The following OSBP2 variants were observed in gnomAD, a reference collection of about 807,000 sequenced individuals.
OSBP2 encodes the protein oxysterol-binding protein 2.
A neutral mutation model predicts 96.0 loss-of-function variants in OSBP2; 66 were observed. That is an observed-to-expected ratio of 0.69 (90% CI 0.56 to 0.84). The LOEUF is 0.84. Ranked by LOEUF, OSBP2 falls within the 40% of genes least tolerant of loss-of-function variation. The pLI is 0.00. For missense variants in OSBP2, 1,038 were observed against 1,222.7 expected, an observed-to-expected ratio of 0.85 and a Z score of 2.25; for synonymous variants, 525 against 520.9, an observed-to-expected ratio of 1.01 and a Z score of -0.11.
intron 1 of OSBP2, among the ~76,000 whole-genome samples, chr22:30,716,004 C>A (rs940376348): frequency 3.3e-5 from 5 of 151,888 alleles, no homozygotes; most frequent in African/African-American, 1.2e-4. Context: ...CCTGTGCCAC[C>A]ATGCCCAACC....
chr22:30,694,164 AC>A (rs1352760101), upstream of OSBP2: 2 of 1,550,336 alleles, frequency 1.3e-6, no homozygotes, highest in East Asian at 4.9e-5. Flanking sequence ...TGTTTCTTGT[AC>A]TAAAACGCTT....
intron 2 of OSBP2, among the ~76,000 whole-genome samples, chr22:30,854,604 C>T (rs1429353592): frequency 9.9e-5 from 15 of 150,782 alleles, no homozygotes; most frequent in African/African-American, 3.2e-4. Context: ...CCAACACACC[C>T]GCCCTATATG....
intron 1 of OSBP2, among the ~76,000 whole-genome samples, chr22:30,714,325 A>C (rs2089409283): frequency 6.6e-6 from 1 of 152,116 alleles, no homozygotes; most frequent in Admixed American, 6.5e-5. Flanking sequence ...ACTTAGGCGG[A>C]TTCCATATCT....
intron 2 of OSBP2, among the ~76,000 whole-genome samples, chr22:30,806,162 AC>A (rs1419374266): frequency 6.6e-6 from 1 of 152,192 alleles, no homozygotes; most frequent in Non-Finnish European, 1.5e-5. Context: ...TGAGGCTCAG[AC>A]AGGTCGCAGT....
At chr22:30,808,190 A>G (rs2090956300) in intron 2 of OSBP2, among the ~76,000 whole-genome samples, 1 of 152,182 alleles carries the variant, frequency 6.6e-6, no homozygotes, top group Non-Finnish European at 1.5e-5. Context: ...CACAGAAGAC[A>G]CAGGGAAGTC....
At chr22:30,822,710 G>A (rs1216718580) in intron 2 of OSBP2, 8 of 1,525,834 alleles carry the variant, frequency 5.2e-6, no homozygotes, top group East Asian at 2.5e-5. Context: ...TTTAAGAAGG[G>A]TTAGTGCTTG....
intron 2 of OSBP2, among the ~76,000 whole-genome samples, chr22:30,750,940 C>T (rs2090066907): frequency 6.6e-6 from 1 of 152,114 alleles, no homozygotes; most frequent in Admixed American, 6.5e-5. Context: ...CGGGTTTCAC[C>T]ATCTTGACCA....
At chr22:30,711,357 A>G (rs1037452938) in intron 1 of OSBP2, among the ~76,000 whole-genome samples, 7 of 152,034 alleles carry the variant, frequency 4.6e-5, no homozygotes, top group South Asian at 4.1e-4. Flanking sequence ...ATACATTTAT[A>G]TCCTGGCTCG....
At chr22:30,800,857 A>G (rs140250782) in intron 2 of OSBP2, among the ~76,000 whole-genome samples, 2 of 152,100 alleles carry the variant, frequency 1.3e-5, no homozygotes, top group Admixed American at 6.5e-5. Flanking sequence ...GGGGTCTTCA[A>G]TTTGTGGGCA....
chr22:30,772,918 G>A (rs920542484), intron 2 of OSBP2, among the ~76,000 whole-genome samples: 1 of 150,998 alleles, frequency 6.6e-6, no homozygotes. Flanking sequence ...TCAGCCTTCC[G>A]AGTAGCTGGG....
chr22:30,821,236 G>A (rs144954215), intron 2 of OSBP2, among the ~76,000 whole-genome samples: 2,079 of 152,298 alleles, frequency 0.014, 30 homozygotes, highest in Middle Eastern at 0.044. Context: ...GAGTGGGAGA[G>A]TGTCAGCGTC....
At chr22:30,713,165 G>A (rs529771817) in intron 1 of OSBP2, among the ~76,000 whole-genome samples, 4 of 149,128 alleles carry the variant, frequency 2.7e-5, no homozygotes, top group Non-Finnish European at 5.9e-5. Context: ...TGCAAGCTCC[G>A]CCTCCTGGGT....
At chr22:30,769,821 G>A (rs1383434030) in intron 2 of OSBP2, among the ~76,000 whole-genome samples, 1 of 152,140 alleles carries the variant, frequency 6.6e-6, no homozygotes. Flanking sequence ...CATGTGGGAT[G>A]TCTTCTACCC....
intron 2 of OSBP2, among the ~76,000 whole-genome samples, chr22:30,826,088 G>A (rs1322685484): frequency 6.6e-6 from 1 of 152,160 alleles, no homozygotes; most frequent in East Asian, 1.9e-4. Context: ...GTTCTGAGGG[G>A]TTATTGTTTT....
chr22:30,852,817 C>T lies in OSBP2; in HGVS notation c.854-17612C>T, dbSNP rs572953327. On this transcript the variant is annotated intron_variant, in intron 2 of 13. Transcript: ENST00000332585. Reference sequence around the variant, plus strand: ...TACCTTAGCTTCATTCCACACATTTCGATATGTTGTATTTTTTTATCTTTC... The same window carrying T: ...TACCTTAGCTTCATTCCACACATTTTGATATGTTGTATTTTTTTATCTTTC... Among the ~76,000 whole-genome samples, 204 of 152,200 alleles carry T rather than the reference C, an allele frequency of 1.3e-3. 1 individual carries two copies. Among genetic ancestry groups the T allele is most frequent in the South Asian group, 2.3e-3 (11 of 4,820 alleles).
intron 2 of OSBP2, among the ~76,000 whole-genome samples, chr22:30,746,817 T>C (rs2090007225): frequency 6.6e-6 from 1 of 152,130 alleles, no homozygotes; most frequent in African/African-American, 2.4e-5. Flanking sequence ...TAATTACTAA[T>C]TTTATGAGGC....
intron 1 of OSBP2, among the ~76,000 whole-genome samples, chr22:30,726,216 A>G (rs2089648415): frequency 6.6e-6 from 1 of 152,230 alleles, no homozygotes; most frequent in Admixed American, 6.5e-5. Flanking sequence ...TTACAATAGC[A>G]AAACTTGGAA....
Position 30,881,742 on chromosome 22 carries a change from T to C in OSBP2, c.1108-5684T>C. The C allele has an allele frequency of 7.7e-7, 1 of 1,304,048 alleles. No homozygotes were observed. The highest frequency in any genetic ancestry group is 1.0e-6 in the Non-Finnish European group (1 of 988,888). The allele number at this position is 1,304,048 out of a possible 1,614,324, so 80.8% of individuals were successfully genotyped here. ...GCCTCTCCCCACAGCACAGCCAGGA[T>C]GGGGCCTGGAGAAGGCCGGCAGCAG... is the stretch of plus-strand genomic sequence containing the variant. On this transcript the variant is annotated intron_variant, in intron 3 of 13. Transcript: ENST00000332585. This position sits in a 1 kb window ranked among gnomAD's most constrained non-coding sequence, Gnocchi z 4.5.
chr22:30,744,908 G>C (rs754318356), intron 2 of OSBP2, among the ~76,000 whole-genome samples: 7 of 152,164 alleles, frequency 4.6e-5, no homozygotes, highest in Non-Finnish European at 7.3e-5. Context: ...TTTCAGGATA[G>C]ACCATATGTT....
Sources: gnomAD v4.1 joint callset for allele counts (sites outside exome capture counted in the v4.1 genomes callset) on GRCh38, gnomAD v4.1.1 for gene constraint, Gnocchi (gnomAD v3.1) non-coding constraint, MANE v1.5 for transcripts, NCBI Gene and HGNC (gene_info 2026-07-23, HGNC 2026-07-21) for gene names.